ATRN: variants seen among roughly 807,000 people sequenced by gnomAD.
ATRN encodes the protein attractin-2.
A neutral mutation model predicts 178.7 loss-of-function variants in ATRN; 54 were observed. That is an observed-to-expected ratio of 0.30 (90% confidence interval 0.24 to 0.38). The LOEUF (loss-of-function observed/expected upper bound fraction) is 0.38, where lower values mean the gene tolerates loss of function less well. Ranked by LOEUF, ATRN falls within the 10% of genes least tolerant of loss-of-function variation. The probability of loss-of-function intolerance (pLI) is 1.00; values close to 1 mark genes in which losing one functional copy is unlikely to be tolerated. For missense variants in ATRN, 1,443 were observed against 1,815.1 expected, an observed-to-expected ratio of 0.79 and a Z score of 3.73; for synonymous variants, 636 against 663.0, an observed-to-expected ratio of 0.96 and a Z score of 0.63.
intron 1 of ATRN, among the ~76,000 whole-genome samples, chr20:3,512,105 A>ATTTT (rs1379656862): frequency 1.8e-5 from 2 of 113,416 alleles, no homozygotes; most frequent in Admixed American, 8.6e-5. Flanking sequence ...ATATATATAT[A>ATTTT]TATTTTTTTT....
chr20:3,549,430 TCTA>T, intron 6 of ATRN, 92 bp downstream of exon 6: 1 of 1,110,416 alleles, frequency 9.0e-7, no homozygotes, highest in Non-Finnish European at 1.2e-6. Flanking sequence ...CACCAGTCAT[TCTA>T]CTACCTAAAG....
intron 16 of ATRN, among the ~76,000 whole-genome samples, chr20:3,582,825 A>G (rs1291845023): frequency 6.6e-6 from 1 of 152,238 alleles, no homozygotes; most frequent in African/African-American, 2.4e-5. Flanking sequence ...AAGCGAGGAC[A>G]GAAGCAACCC....
intron 25 of ATRN, among the ~76,000 whole-genome samples, chr20:3,631,222 T>C (rs887075963): frequency 2.3e-4 from 35 of 152,188 alleles, no homozygotes; most frequent in African/African-American, 7.9e-4. Flanking sequence ...GGTGCTGGGA[T>C]TACCAGCGTG....
At position 3,604,275 on chromosome 20, in the gene ATRN, T is replaced by A. The variant is rs758689309; in HGVS notation, c.3801+13T>A. ...CATCAAAATTCAGGTAAGAAGAGGC[T>A]TTTGGTCTCATACCTGCAAAGGTGG... On this transcript the variant is annotated intron_variant, in intron 24 of 28. Coordinates refer to ENST00000262919, the MANE Select transcript of ATRN (RefSeq NM_139321.3). 1 of 1,583,470 alleles carries A rather than the reference T, an allele frequency of 6.3e-7. No homozygotes were observed. The highest frequency in any genetic ancestry group is 2.2e-5 in the East Asian group (1 of 44,784).
intron 27 of ATRN, 87 bp from the exon 28 acceptor site, chr20:3,644,067 G>T: frequency 1.0e-6 from 1 of 1,003,772 alleles, no homozygotes. Context: ...GAAATTGATG[G>T]TTCTTATAAG....
intron 20 of ATRN, among the ~76,000 whole-genome samples, chr20:3,594,953 T>G (rs2086504535): frequency 6.6e-6 from 1 of 152,202 alleles, no homozygotes; most frequent in Admixed American, 6.5e-5. Context: ...TGGCATTTAT[T>G]TGGCGTTTGG....
In ATRN at chr20:3,649,693, T is replaced by G. The variant is rs2087132594; in HGVS notation, c.*2846T>G. ...ACCCTTTCTGGCAGCCTCTTGGTGC[T>G]CTGGGTAGTGAGGGATGACCAGTCT... On this transcript the variant is annotated 3_prime_UTR_variant, in exon 29 of 29. Transcript: ENST00000262919. The G allele has an allele frequency of 6.6e-6, 1 of 152,222 alleles. No homozygotes were observed. The highest frequency in any genetic ancestry group is 2.4e-5 in the African/African-American group (1 of 41,444). 9.4% of individuals were successfully genotyped at this position (152,222 alleles called of 1,614,324 possible). A position where few individuals can be genotyped will look rare whatever the true frequency, so the allele number is the denominator to read the frequency against.
At chr20:3,480,620 A>G (rs1374356366) in intron 1 of ATRN, among the ~76,000 whole-genome samples, 1 of 152,212 alleles carries the variant, frequency 6.6e-6, no homozygotes. Flanking sequence ...AGGGAGGTAG[A>G]GCCAGCTGAC....
chr20:3,584,778 C>A lies in ATRN; in HGVS notation c.3082C>A (p.Pro1028Thr). 6.2e-7 allele frequency: 1 copy of A among 1,614,130 alleles called. No homozygotes were observed. The highest frequency in any genetic ancestry group is 8.5e-7 in the Non-Finnish European group (1 of 1,180,016). ...TTCCTATAAAGGACCAGTGAAGATG[C>A]CTTCGCAAGCCCCTACAGGAAATTT... ...EGSYKGPVKMPSQAPTGNFYP... is the reference protein window; with the variant it reads ...EGSYKGPVKMTSQAPTGNFYP... The change falls in exon 18 of 29, where the codon CCT becomes ACT. Residue 1028 changes from proline to threonine, a missense_variant. Around this residue, in one of 4 missense-constraint regions of ATRN, gnomAD observed 80 missense variants for 71.5 expected, o/e 1.12. Coordinates refer to ENST00000262919, the MANE Select transcript of ATRN (RefSeq NM_139321.3).
At chr20:3,612,555 G>T (rs1037903003) in intron 24 of ATRN, among the ~76,000 whole-genome samples, 1 of 152,100 alleles carries the variant, frequency 6.6e-6, no homozygotes, top group Non-Finnish European at 1.5e-5. Flanking sequence ...AGCTTGCAGG[G>T]GTTTCGGTAG....
intron 18 of ATRN, among the ~76,000 whole-genome samples, chr20:3,590,233 G>C (rs938073621): frequency 1.3e-5 from 2 of 152,182 alleles, no homozygotes; most frequent in Admixed American, 6.5e-5. Context: ...TTACAGGCAT[G>C]AGCCACCACA....
chr20:3,502,589 G>C (rs2084979231), intron 1 of ATRN, among the ~76,000 whole-genome samples: 1 of 152,146 alleles, frequency 6.6e-6, no homozygotes, highest in Admixed American at 6.5e-5. Context: ...ATTGACAAAG[G>C]GGATCAGTTG....
chr20:3,593,271 G>A (rs1331125783), intron 19 of ATRN, among the ~76,000 whole-genome samples: 3 of 152,112 alleles, frequency 2.0e-5, no homozygotes, highest in Admixed American at 6.6e-5. Context: ...CCTAATCCAC[G>A]GTAGAAAGCG....
chr20:3,552,111 A>ATATT (rs2085796009), intron 6 of ATRN, among the ~76,000 whole-genome samples: 1 of 151,900 alleles, frequency 6.6e-6, no homozygotes, highest in African/African-American at 2.4e-5. Flanking sequence ...CATCCCCTTG[A>ATATT]TATTTTTTTT....
rs1012577702 is a variant in ATRN, at chr20:3,647,710, A to C, written c.*863A>C. The C allele has an allele frequency of 6.6e-6, 1 of 152,194 alleles. No individual in the cohort carries two copies. Among genetic ancestry groups the C allele is most frequent in the South Asian group, 2.1e-4 (1 of 4,834 alleles). 9.4% of individuals were successfully genotyped at this position (152,194 alleles called of 1,614,324 possible). Reference sequence around the variant, plus strand: ...AGTTTTTACATAATTGCATTCCTACATTCTTGTAAAATTTAAATAGCTACC... The same window carrying C: ...AGTTTTTACATAATTGCATTCCTACCTTCTTGTAAAATTTAAATAGCTACC... On this transcript the variant is annotated 3_prime_UTR_variant, in exon 29 of 29. Transcript: ENST00000262919.
chr20:3,602,963 C>CAAAAA lies in ATRN; in HGVS notation c.3644-1114_3644-1110dup, dbSNP rs3842439. 3.8e-3 allele frequency among the ~76,000 whole-genome samples: 156 copies of CAAAAA among 40,856 alleles called. 4 individuals are homozygous for CAAAAA. The highest frequency in any genetic ancestry group is 0.029 in the Middle Eastern group (1 of 34). 26.8% of individuals were successfully genotyped at this position (40,856 alleles called of 152,430 possible). A position where few individuals can be genotyped will look rare whatever the true frequency, so the allele number is the denominator to read the frequency against. On this transcript the variant is annotated intron_variant, in intron 23 of 28. Coordinates refer to ENST00000262919, the MANE Select transcript of ATRN (RefSeq NM_139321.3). ...GGGCAACAAAAGCGAAATTCCATCT[C>CAAAAA]AAAAAAAAAAAAAAAAAAAAAAAAA...
intron 24 of ATRN, among the ~76,000 whole-genome samples, chr20:3,613,632 A>T (rs1007680803): frequency 1.3e-5 from 2 of 152,194 alleles, no homozygotes; most frequent in Non-Finnish European, 2.9e-5. Flanking sequence ...AAATTTCAGT[A>T]TGGCTTTCGA....
At position 3,555,039 on chromosome 20, in the gene ATRN, C is replaced by T. The variant is rs866253409; in HGVS notation, c.1113-4354C>T. ...TTTTTTTGAGACGGAGTCTCGCTGT[C>T]GCCCAGGCTGGAGTGCAGTGGCGTG... is the stretch of plus-strand genomic sequence containing the variant. On this transcript the variant is annotated intron_variant, in intron 6 of 28. Transcript: ENST00000262919. Among the ~76,000 whole-genome samples the T allele has an allele frequency of 5.0e-3, 687 of 138,304 alleles. 6 individuals are homozygous for T. The highest frequency in any genetic ancestry group is 0.018 in the African/African-American group (638 of 36,138). The allele number at this position is 138,304 out of a possible 152,430, so 90.7% of individuals were successfully genotyped here.
At chr20:3,502,407 CA>C (rs2084976637) in intron 1 of ATRN, among the ~76,000 whole-genome samples, 1 of 152,148 alleles carries the variant, frequency 6.6e-6, no homozygotes, top group Admixed American at 6.6e-5. Context: ...CTTGGGATCA[CA>C]GCATTGGAAG....
Sources: gnomAD v4.1 joint callset for allele counts (sites outside exome capture counted in the v4.1 genomes callset) on GRCh38, gnomAD v4.1.1 for gene constraint, gnomAD v4.1.1 regional missense constraint, MANE v1.5 for transcripts, NCBI Gene and HGNC (gene_info 2026-07-23, HGNC 2026-07-21) for gene names.